Variants in KIRREL3 observed in about 807,000 individuals in gnomAD.
The protein encoded by KIRREL3 is kin of IRRE-like protein 3.
Under a neutral mutation model 89.7 loss-of-function variants are expected in KIRREL3, and 36 were observed. That is an observed-to-expected ratio of 0.40 (90% CI 0.31 to 0.53). The LOEUF is 0.53. KIRREL3 is among the 20% of genes least tolerant of loss of function. The probability of loss-of-function intolerance (pLI) is 0.49; values close to 1 mark genes in which losing one functional copy is unlikely to be tolerated. For synonymous variants in KIRREL3, 445 were observed against 441.4 expected (o/e 1.01, Z -0.10); for missense variants, 864 against 1,056.6 (o/e 0.82, Z 2.53).
rs1184711220 is a variant in KIRREL3 at position 126,776,739 on chromosome 11, C to T, written c.56-213827G>A. ...GGGAATGCTTATGGAACACCAACACCACTTCTTCTTTCACCAAGTCCTCTC... is the reference window on the plus strand; with the variant it reads ...GGGAATGCTTATGGAACACCAACACTACTTCTTCTTTCACCAAGTCCTCTC... On this transcript the variant is annotated intron_variant, in intron 1 of 16. Transcript: ENST00000525144. This position sits in a 1 kb window ranked among gnomAD's most constrained non-coding sequence, Gnocchi z 4.7. 6.6e-6 allele frequency among the ~76,000 whole-genome samples: 1 copy of T among 152,140 alleles called. No homozygotes were observed. Among genetic ancestry groups the T allele is most frequent in the Non-Finnish European group, 1.5e-5 (1 of 68,024 alleles).
At position 126,795,275 on chromosome 11, in the gene KIRREL3, G is replaced by T. The variant is rs981501057; in HGVS notation, c.55+205180C>A. On this transcript the variant is annotated intron_variant, in intron 1 of 16. Coordinates refer to ENST00000525144, the MANE Select transcript of KIRREL3 (RefSeq NM_032531.4). The surrounding 1 kb of genome is among the most constrained non-coding windows in gnomAD (Gnocchi z 4.1). ...AATGTATCTATATTGGCTTACCAATGGTAACAGATATACTACACTAATGCA... is the reference window on the plus strand; with the variant it reads ...AATGTATCTATATTGGCTTACCAATTGTAACAGATATACTACACTAATGCA... 1.3e-5 allele frequency among the ~76,000 whole-genome samples: 2 copies of T among 152,330 alleles called. No homozygotes were observed. Among genetic ancestry groups the T allele is most frequent in the East Asian group, 1.9e-4 (1 of 5,190 alleles).
At chr11:126,633,377 T>A (rs1246318416) in intron 1 of KIRREL3, among the ~76,000 whole-genome samples, 1 of 151,950 alleles carries the variant, frequency 6.6e-6, no homozygotes, top group Non-Finnish European at 1.5e-5. Flanking sequence ...ACAAAAAAAT[T>A]GATTCCTAGT....
chr11:126,864,526 TAGC>T (rs1014416753), intron 1 of KIRREL3, among the ~76,000 whole-genome samples: 2 of 152,180 alleles, frequency 1.3e-5, no homozygotes, highest in African/African-American at 4.8e-5. Context: ...CCACTCCTGT[TAGC>T]AGCAAATATA....
rs990121925 is a variant in KIRREL3 at position 126,574,287 on chromosome 11, G to T, written c.56-11375C>A. Among the ~76,000 whole-genome samples, 2 of 152,152 alleles carry T rather than the reference G, an allele frequency of 1.3e-5. No individual in the cohort carries two copies. Among genetic ancestry groups the T allele is most frequent in the African/African-American group, 4.8e-5 (2 of 41,418 alleles). On this transcript the variant is annotated intron_variant, in intron 1 of 16. Transcript: ENST00000525144. The surrounding 1 kb of genome is among the most constrained non-coding windows in gnomAD (Gnocchi z 5.3). ...GGCTAGGATTTGACCACAACGCTTG[G>T]GGTAAAACCAAACTCCCCCACCTCC...
intron 1 of KIRREL3, among the ~76,000 whole-genome samples, chr11:126,882,464 T>C (rs1199074308): frequency 6.6e-6 from 1 of 152,148 alleles, no homozygotes; most frequent in Non-Finnish European, 1.5e-5. Context: ...TTACAAAATA[T>C]AGAGATGGTT....
At chr11:126,819,025 G>A (rs900801315) in intron 1 of KIRREL3, among the ~76,000 whole-genome samples, 6 of 152,314 alleles carry the variant, frequency 3.9e-5, no homozygotes, top group Admixed American at 6.5e-5. Flanking sequence ...AGGCCGCTAG[G>A]GGTAGAGGCA....
rs984222264 is a variant in KIRREL3 at position 126,954,943 on chromosome 11, C to T, written c.55+45512G>A. Among the ~76,000 whole-genome samples, 14 of 152,328 alleles carry T rather than the reference C, an allele frequency of 9.2e-5. No individual in the cohort carries two copies. The highest frequency in any genetic ancestry group is 3.1e-4 in the African/African-American group (13 of 41,564). On this transcript the variant is annotated intron_variant, in intron 1 of 16. Coordinates refer to ENST00000525144, the MANE Select transcript of KIRREL3 (RefSeq NM_032531.4). This position sits in a 1 kb window ranked among gnomAD's most constrained non-coding sequence, Gnocchi z 4.1. ...AACAACTCTGTCTCTTGCATTCCCT[C>T]TCCTTGTCACATCTGACCAGTGGTT...
At position 126,521,364 on chromosome 11, in the gene KIRREL3, C is replaced by T. The variant is rs895521211; in HGVS notation, c.384G>A (p.Gln128=). 2.6e-6 allele frequency: 4 copies of T among 1,557,098 alleles called. No homozygotes were observed. The highest frequency in any genetic ancestry group is 2.6e-6 in the Non-Finnish European group (3 of 1,150,510). ...GGGAGCGGATGGCGGCCTGGATGGC[C>T]TGGCACTCGTACACCGCATCGTCTT... The part of the protein sequence containing the change: ...ELQDDAVYEC[Q]AIQAAIRSRP... The change falls in exon 4 of 17, where the codon CAG becomes CAA. Residue 128 remains glutamine, a synonymous_variant. Transcript: ENST00000525144. This position sits in a 1 kb window ranked among gnomAD's most constrained non-coding sequence, Gnocchi z 4.1.
chr11:126,650,697 T>C (rs1944873481), intron 1 of KIRREL3, among the ~76,000 whole-genome samples: 1 of 152,202 alleles, frequency 6.6e-6, no homozygotes, highest in African/African-American at 2.4e-5. Context: ...AGTTCCAAAC[T>C]TTCCCACATT....
chr11:126,819,799 A>C (rs939527), intron 1 of KIRREL3, among the ~76,000 whole-genome samples: 131,471 of 152,236 alleles, frequency 0.86, 57,120 homozygotes, highest in East Asian at 1. Context: ...ACTAACAATT[A>C]TCTGTAAGAC....
Position 126,744,620 on chromosome 11 carries a change from G to T in KIRREL3, c.56-181708C>A, listed in dbSNP as rs1949084556. On this transcript the variant is annotated intron_variant, in intron 1 of 16. Transcript: ENST00000525144. This position sits in a 1 kb window ranked among gnomAD's most constrained non-coding sequence, Gnocchi z 4.7. ...AGCCACTAAATGGGGCTGAGGAAAA[G>T]CACTCAGAGCCTTTCCAGGCTAAGC... is the stretch of plus-strand genomic sequence containing the variant. Among the ~76,000 whole-genome samples, 1 of 152,224 alleles carries T rather than the reference G, an allele frequency of 6.6e-6. No individual in the cohort carries two copies. The highest frequency in any genetic ancestry group is 2.1e-4 in the South Asian group (1 of 4,836).
In KIRREL3 at chr11:126,943,172, C is replaced by T. The variant is rs1948510416; in HGVS notation, c.55+57283G>A. ...GGGTGCTGCTCCTGCTCCACTGGGG[C>T]CTTCTCTTTGGGGTCTCAGGATTGG... On this transcript the variant is annotated intron_variant, in intron 1 of 16. Transcript: ENST00000525144. The surrounding 1 kb of genome is among the most constrained non-coding windows in gnomAD (Gnocchi z 4.2). Among the ~76,000 whole-genome samples, 1 of 152,180 alleles carries T rather than the reference C, an allele frequency of 6.6e-6. No homozygotes were observed.
rs894240312 is a variant in KIRREL3 at position 126,912,352 on chromosome 11, T to C, written c.55+88103A>G. ...GGTCCTCCCTCAGCTCCCTCTCCTG[T>C]CTTCACCTCCCTGGGCCATGTCTCT... On this transcript the variant is annotated intron_variant, in intron 1 of 16. Coordinates refer to ENST00000525144, the MANE Select transcript of KIRREL3 (RefSeq NM_032531.4). The surrounding 1 kb of genome is among the most constrained non-coding windows in gnomAD (Gnocchi z 4.7). 6.6e-6 allele frequency among the ~76,000 whole-genome samples: 1 copy of C among 152,054 alleles called. No individual in the cohort carries two copies. The highest frequency in any genetic ancestry group is 1.5e-5 in the Non-Finnish European group (1 of 67,994).
rs1429124936 is a variant in KIRREL3 at position 126,528,387 on chromosome 11, G to C, written c.134-1700C>G. On this transcript the variant is annotated intron_variant, in intron 2 of 16. Transcript: ENST00000525144. This position sits in a 1 kb window ranked among gnomAD's most constrained non-coding sequence, Gnocchi z 4.6. ...GAGACACTTGGTGTGTATCAACCCA[G>C]GGGAGCTTGGATGGCAGCAGAGCTT... Among the ~76,000 whole-genome samples, 1 of 152,306 alleles carries C rather than the reference G, an allele frequency of 6.6e-6. No individual in the cohort carries two copies. The highest frequency in any genetic ancestry group is 1.9e-4 in the East Asian group (1 of 5,174).
intron 1 of KIRREL3, among the ~76,000 whole-genome samples, chr11:126,759,383 C>T (rs1455415060): frequency 1.3e-5 from 2 of 152,226 alleles, no homozygotes; most frequent in African/African-American, 4.8e-5. Context: ...CTGCCTTAGC[C>T]TCCCAAAGTG....
At chr11:126,933,246 A>C (rs1948031945) in intron 1 of KIRREL3, among the ~76,000 whole-genome samples, 1 of 151,366 alleles carries the variant, frequency 6.6e-6, no homozygotes, top group Non-Finnish European at 1.5e-5. Flanking sequence ...CAAAGTCCCT[A>C]TCATCAAACC....
At chr11:126,549,000 C>T (rs1207382478) in intron 2 of KIRREL3, among the ~76,000 whole-genome samples, 3 of 152,148 alleles carry the variant, frequency 2.0e-5, no homozygotes, top group African/African-American at 7.2e-5. Context: ...TCTCTATGAG[C>T]TGAGAACAGG....
At position 126,739,943 on chromosome 11, in the gene KIRREL3, G is replaced by T. The variant is rs1448853766; in HGVS notation, c.56-177031C>A. 1.3e-5 allele frequency among the ~76,000 whole-genome samples: 2 copies of T among 152,284 alleles called. 1 individual carries two copies. The highest frequency in any genetic ancestry group is 4.2e-4 in the South Asian group (2 of 4,816). On this transcript the variant is annotated intron_variant, in intron 1 of 16. Transcript: ENST00000525144. The surrounding 1 kb of genome is among the most constrained non-coding windows in gnomAD (Gnocchi z 5.5). ...ATTATAGAAATATTTCATTGTTTCA[G>T]CAGAGATGAGGAAATCTAATCATCC...
At chr11:126,691,546 A>C (rs1200531415) in intron 1 of KIRREL3, among the ~76,000 whole-genome samples, 1 of 152,256 alleles carries the variant, frequency 6.6e-6, no homozygotes, top group East Asian at 1.9e-4. Context: ...TGCATATTGC[A>C]TGATACCCTT....
Sources: allele counts gnomAD v4.1 joint callset (sites outside exome capture counted in the v4.1 genomes callset), GRCh38; gene constraint gnomAD v4.1.1; non-coding constraint Gnocchi (gnomAD v3.1); transcripts MANE v1.5; gene names NCBI Gene and HGNC (gene_info 2026-07-23, HGNC 2026-07-21).